PPP1R7: variants seen among roughly 807,000 people sequenced by gnomAD.
The protein encoded by PPP1R7 is protein phosphatase 1 regulatory subunit 22.
Under a neutral mutation model 45.2 loss-of-function variants are expected in PPP1R7, and 18 were observed. The observed-to-expected ratio is 0.40, with a 90% CI of 0.28 to 0.59. The LOEUF is 0.59. PPP1R7 is among the 20% of genes least tolerant of loss of function. The pLI is 0.46. For missense variants in PPP1R7, 314 were observed against 455.8 expected (o/e 0.69, Z 2.83); for synonymous variants, 181 against 183.4 (o/e 0.99, Z 0.11).
chr2:241,157,064 C>T (rs2067475977), intron 2 of PPP1R7, among the ~76,000 whole-genome samples: 1 of 152,146 alleles, frequency 6.6e-6, no homozygotes, highest in Non-Finnish European at 1.5e-5. Flanking sequence ...AACAGGGAAG[C>T]TGTCGCCTCA....
At chr2:241,158,413 G>C (rs572806839) in intron 3 of PPP1R7, 71 bp from the exon 4 acceptor site, 3 of 1,485,134 alleles carry the variant, frequency 2.0e-6, no homozygotes, top group African/African-American at 2.8e-5. Context: ...CTTCCAGGCC[G>C]CCTCTTCTAG....
chr2:241,152,059 T>C (rs1421850819), intron 1 of PPP1R7, among the ~76,000 whole-genome samples: 1 of 152,244 alleles, frequency 6.6e-6, no homozygotes, highest in African/African-American at 2.4e-5. Flanking sequence ...CAGATTGTCA[T>C]GCAGTAGAAC....
At chr2:241,175,602 T>C (rs535226564) in intron 9 of PPP1R7, among the ~76,000 whole-genome samples, 1 of 152,306 alleles carries the variant, frequency 6.6e-6, no homozygotes, top group African/African-American at 2.4e-5. Context: ...CCTGATACAC[T>C]TTTTTCTTTT....
intron 2 of PPP1R7, chr2:241,155,259 T>A (rs2067427332): frequency 6.6e-6 from 1 of 152,238 alleles, no homozygotes; most frequent in South Asian, 2.1e-4. Flanking sequence ...GTTGTCATCA[T>A]GTTCTGTAAG....
At chr2:241,173,269 CAAAAAAAAAAA>C (rs540011262) in intron 9 of PPP1R7, among the ~76,000 whole-genome samples, 2 of 90,684 alleles carry the variant, frequency 2.2e-5, no homozygotes, top group South Asian at 9.3e-4. Flanking sequence ...AAGACTTTCT[CAAAAAAAAAAA>C]AAAAAAAAAA....
intron 2 of PPP1R7, among the ~76,000 whole-genome samples, chr2:241,153,964 G>A (rs1044466520): frequency 4.0e-5 from 6 of 150,568 alleles, no homozygotes; most frequent in East Asian, 2.0e-4. Context: ...GGTGGATCAC[G>A]AGGTCAGGAG....
intron 4 of PPP1R7, chr2:241,158,951 C>T (rs2067522091): frequency 4.2e-6 from 2 of 472,482 alleles, no homozygotes; most frequent in Non-Finnish European, 3.9e-6. Context: ...CAACGCCTCC[C>T]TCCCCAACTG....
At chr2:241,166,153 C>T (rs1053979672) in intron 7 of PPP1R7, among the ~76,000 whole-genome samples, 184 bp from the exon 8 acceptor site, 10 of 152,024 alleles carry the variant, frequency 6.6e-5, no homozygotes, top group Non-Finnish European at 1.5e-4. Flanking sequence ...CTGCCCCACT[C>T]GGCCTCCCAA....
chr2:241,150,649 G>C lies in PPP1R7; in HGVS notation c.52+102G>C, dbSNP rs912730689. On this transcript the variant is annotated intron_variant, in intron 1 of 9. Coordinates refer to ENST00000234038, the MANE Select transcript of PPP1R7 (RefSeq NM_002712.3). ...GAGAGAAACTCCACGTCCTGCCTCT[G>C]GCCGCCGCCGCGCGGCCCCCTGACA... The C allele has an allele frequency of 7.5e-6, 10 of 1,339,786 alleles. No individual in the cohort carries two copies. The African/African-American group carries it at 1.4e-4, about 18-fold the overall frequency. The allele number at this position is 1,339,786 out of a possible 1,614,324, so 83.0% of individuals were successfully genotyped here.
chr2:241,176,327 G>A (rs573171125), intron 9 of PPP1R7, among the ~76,000 whole-genome samples: 3 of 151,966 alleles, frequency 2.0e-5, no homozygotes, highest in Non-Finnish European at 2.9e-5. Flanking sequence ...GTCAGATGCA[G>A]GGCTAACATC....
intron 7 of PPP1R7, 86 bp from the exon 8 acceptor site, chr2:241,166,251 G>A: frequency 8.8e-7 from 1 of 1,136,100 alleles, no homozygotes; most frequent in Admixed American, 2.2e-5. Context: ...AATTCTTCAA[G>A]ATAACACAAA....
At chr2:241,158,436 C>T in intron 3 of PPP1R7, 48 bp from the exon 4 acceptor site, 1 of 1,593,514 alleles carries the variant, frequency 6.3e-7, no homozygotes, top group Non-Finnish European at 8.6e-7. Context: ...CGACACAGGT[C>T]TCCAGCCACT....
chr2:241,169,935 A>C (rs1296758073), intron 9 of PPP1R7, 68 bp downstream of exon 9: 50 of 1,262,216 alleles, frequency 4.0e-5, no homozygotes, highest in Non-Finnish European at 5.5e-5. Flanking sequence ...AAAATGTCTT[A>C]TGAATGAATA....
intron 3 of PPP1R7, 127 bp from the exon 4 acceptor site, chr2:241,158,357 T>C (rs2067507534): frequency 1.3e-6 from 1 of 791,318 alleles, no homozygotes; most frequent in Non-Finnish European, 2.2e-6. Flanking sequence ...CACTGACATC[T>C]GTCTGCTGCA....
intron 9 of PPP1R7, among the ~76,000 whole-genome samples, chr2:241,172,341 T>A (rs2067831277): frequency 6.6e-6 from 1 of 152,218 alleles, no homozygotes; most frequent in Admixed American, 6.5e-5. Flanking sequence ...TGATACCTTA[T>A]CTTTTAAAGA....
At chr2:241,157,364 G>A (rs946712628) in intron 2 of PPP1R7, among the ~76,000 whole-genome samples, 2 of 152,210 alleles carry the variant, frequency 1.3e-5, no homozygotes, top group Non-Finnish European at 2.9e-5. Context: ...AGATTCTAAT[G>A]GCCTGGTTTA....
rs1023307400 is a variant in PPP1R7 at position 241,158,788 on chromosome 2, G to A, written c.303+239G>A. The A allele has an allele frequency of 5.7e-6, 3 of 529,190 alleles. No homozygotes were observed. In the South Asian group the frequency reaches 8.1e-5, roughly 14 times the overall value. The allele number at this position is 529,190 out of a possible 1,614,324, so 32.8% of individuals were successfully genotyped here. On this transcript the variant is annotated intron_variant, in intron 4 of 9. Transcript: ENST00000234038. Reference sequence around the variant, plus strand: ...TGAGCCCAGGCAGCCAGTGACCTGTGACTCTGGCCTGCCTCGGTTTCTGTG... The same window carrying A: ...TGAGCCCAGGCAGCCAGTGACCTGTAACTCTGGCCTGCCTCGGTTTCTGTG...
intron 9 of PPP1R7, among the ~76,000 whole-genome samples, chr2:241,174,652 AAC>A (rs1385894558): frequency 6.6e-6 from 1 of 151,912 alleles, no homozygotes; most frequent in African/African-American, 2.4e-5. Flanking sequence ...GATGTATAAA[AAC>A]AATTATTTCA....
At chr2:241,176,283 A>G (rs1434988688) in intron 9 of PPP1R7, among the ~76,000 whole-genome samples, 1 of 152,232 alleles carries the variant, frequency 6.6e-6, no homozygotes, top group Non-Finnish European at 1.5e-5. Flanking sequence ...GAGGCCAGCT[A>G]CAGATAACAT....
Sources: allele counts gnomAD v4.1 joint callset (sites outside exome capture counted in the v4.1 genomes callset), GRCh38; gene constraint gnomAD v4.1.1; transcripts MANE v1.5; gene names NCBI Gene and HGNC (gene_info 2026-07-23, HGNC 2026-07-21).